The following ASTN2 variants were observed in gnomAD, a reference collection of about 807,000 sequenced individuals.
The protein encoded by ASTN2 is astrotactin 2.
A neutral mutation model predicts 139.8 loss-of-function variants in ASTN2; 54 were observed. The observed-to-expected ratio is 0.39, with a 90% CI of 0.31 to 0.48. ASTN2 has a LOEUF of 0.48. Among genes scored for constraint, ASTN2 ranks in the 20% least tolerant of loss-of-function variants. ASTN2 has a pLI of 0.95. For missense variants in ASTN2, 1,565 were observed against 1,725.1 expected (o/e 0.91, Z 1.64); for synonymous variants, 756 against 719.5 (o/e 1.05, Z -0.81).
intron 2 of ASTN2, among the ~76,000 whole-genome samples, chr9:117,264,878 TGAA>T (rs1274700730): frequency 1.6e-4 from 24 of 152,162 alleles, no homozygotes; most frequent in Non-Finnish European, 3.4e-4. Flanking sequence ...AGTGGAGGAA[TGAA>T]GATGTTTGTA....
chr9:116,662,008 A>T (rs189906648), intron 16 of ASTN2, among the ~76,000 whole-genome samples: 50 of 138,638 alleles, frequency 3.6e-4, no homozygotes, highest in African/African-American at 1.1e-3. Context: ...AACTTAAATT[A>T]AAAAAAAAAA....
At chr9:117,263,457 A>T (rs1453590340) in intron 2 of ASTN2, among the ~76,000 whole-genome samples, 1 of 152,220 alleles carries the variant, frequency 6.6e-6, no homozygotes, top group African/African-American at 2.4e-5. Flanking sequence ...TGGTGGAATA[A>T]ATACCATTTC....
At chr9:117,078,344 C>A (rs1374924137) in intron 5 of ASTN2, among the ~76,000 whole-genome samples, 2 of 152,164 alleles carry the variant, frequency 1.3e-5, no homozygotes, top group Non-Finnish European at 2.9e-5. Flanking sequence ...TTTCGTCAGG[C>A]ATCTGTCTCT....
chr9:116,892,918 C>T (rs12341178), intron 10 of ASTN2, among the ~76,000 whole-genome samples: 36,541 of 152,030 alleles, frequency 0.24, 7,256 homozygotes, highest in African/African-American at 0.54. Flanking sequence ...TATTAATTGC[C>T]TGCCTGAAAT....
At chr9:117,239,331 T>C (rs1443456799) in intron 2 of ASTN2, among the ~76,000 whole-genome samples, 4 of 151,990 alleles carry the variant, frequency 2.6e-5, no homozygotes, top group African/African-American at 7.3e-5. Flanking sequence ...GGATTACAAG[T>C]TGGGGAGAGA....
intron 7 of ASTN2, among the ~76,000 whole-genome samples, chr9:116,986,156 G>C (rs1187348057): frequency 1.5e-5 from 2 of 136,648 alleles, no homozygotes; most frequent in Non-Finnish European, 3.0e-5. Context: ...CTGTTGTCCA[G>C]GCTGCCCCCC....
chr9:117,338,435 T>C (rs1241693278), intron 1 of ASTN2, among the ~76,000 whole-genome samples: 1 of 152,178 alleles, frequency 6.6e-6, no homozygotes, highest in African/African-American at 2.4e-5. Context: ...CATCCATCCA[T>C]TCAGCCCTCC....
At chr9:116,840,776 G>A (rs984845632) in intron 11 of ASTN2, among the ~76,000 whole-genome samples, 2 of 148,504 alleles carry the variant, frequency 1.3e-5, no homozygotes, top group African/African-American at 5.0e-5. Flanking sequence ...CATCTCAGAC[G>A]ATGGGCGGCA....
chr9:116,535,215 T>C (rs957988138), intron 19 of ASTN2, among the ~76,000 whole-genome samples: 1 of 152,194 alleles, frequency 6.6e-6, no homozygotes, highest in Non-Finnish European at 1.5e-5. Context: ...TTTTGCTTGG[T>C]AGATCTTCCT....
At chr9:116,559,348 CAT>C (rs150074665) in intron 19 of ASTN2, among the ~76,000 whole-genome samples, 349 of 152,328 alleles carry the variant, frequency 2.3e-3, no homozygotes, top group Admixed American at 4.8e-3. Flanking sequence ...ATTCAACAAA[CAT>C]ATGCTGAATA....
At chr9:116,904,861 C>G (rs966300572) in intron 10 of ASTN2, among the ~76,000 whole-genome samples, 11 of 152,172 alleles carry the variant, frequency 7.2e-5, no homozygotes, top group Admixed American at 2.6e-4. Context: ...GCTGTGCACT[C>G]TAGAAATTCA....
At chr9:117,046,769 C>T (rs2132661022) in intron 5 of ASTN2, among the ~76,000 whole-genome samples, 1 of 152,306 alleles carries the variant, frequency 6.6e-6, no homozygotes, top group South Asian at 2.1e-4. Flanking sequence ...ATATTTTATG[C>T]TCTCCTATTT....
In ASTN2 at chr9:117,097,589, G is replaced by C. The variant is rs534760081; in HGVS notation, c.1169-1438C>G. ...GGAGACTTAAGAATCTGGTAAAAAT[G>C]GTTGTCCTGGATGGAGAATTAAGTG... On this transcript the variant is annotated intron_variant, in intron 4 of 22. Coordinates refer to ENST00000313400, the MANE Select transcript of ASTN2 (RefSeq NM_001365068.1). 3.5e-4 allele frequency among the ~76,000 whole-genome samples: 53 copies of C among 152,220 alleles called. No homozygotes were observed. In the Middle Eastern group the frequency reaches 0.01, roughly 29 times the overall value.
At chr9:116,955,038 G>C (rs1434582065) in intron 10 of ASTN2, among the ~76,000 whole-genome samples, 1 of 152,246 alleles carries the variant, frequency 6.6e-6, no homozygotes, top group Non-Finnish European at 1.5e-5. Context: ...ACTTTTGGCA[G>C]AATGAGAAGG....
rs1420768656 is a variant in ASTN2 at position 116,618,464 on chromosome 9, A to G, written c.3215T>C (p.Leu1072Pro). ...CSPLLQPVLR[L>P]SPTVEPSSTV... ...ACTGGAGGGCTCCACTGTTGGGGAC[A>G]GCCGCAGCCTACAGGGAATAAAAAG... The change falls in exon 19 of 23, where the codon CTG becomes CCG. Residue 1072 changes from leucine to proline, a missense_variant. Physicochemically the swap from Leu to Pro is moderately conservative, Grantham distance 98. Transcript: ENST00000313400. 2 of 1,611,230 alleles carry G rather than the reference A, an allele frequency of 1.2e-6. No homozygotes were observed. Among genetic ancestry groups the G allele is most frequent in the South Asian group, 2.2e-5 (2 of 90,384 alleles).
intron 22 of ASTN2, among the ~76,000 whole-genome samples, chr9:116,426,826 G>A (rs1847322755): frequency 6.6e-6 from 1 of 152,046 alleles, no homozygotes; most frequent in Admixed American, 6.6e-5. Flanking sequence ...AGTGATGATG[G>A]TCTTATCCTC....
At chr9:116,946,369 T>C (rs111832944) in intron 10 of ASTN2, among the ~76,000 whole-genome samples, 32 of 152,304 alleles carry the variant, frequency 2.1e-4, no homozygotes, top group African/African-American at 6.3e-4. Context: ...TCTGTGGACA[T>C]CAAAAGCATC....
At chr9:116,853,068 A>G (rs941762251) in intron 11 of ASTN2, among the ~76,000 whole-genome samples, 2 of 152,210 alleles carry the variant, frequency 1.3e-5, no homozygotes, top group African/African-American at 2.4e-5. Flanking sequence ...TTAAAATTAC[A>G]TATATAAATT....
chr9:117,348,292 C>A (rs193256569), intron 1 of ASTN2, among the ~76,000 whole-genome samples: 8 of 152,292 alleles, frequency 5.3e-5, no homozygotes, highest in Admixed American at 5.2e-4. Context: ...CAACTGAGAA[C>A]ATAAACAAAA....
Sources: gnomAD v4.1 joint callset for allele counts (sites outside exome capture counted in the v4.1 genomes callset) on GRCh38, gnomAD v4.1.1 for gene constraint, MANE v1.5 for transcripts, NCBI Gene and HGNC (gene_info 2026-07-23, HGNC 2026-07-21) for gene names.